The following SAMD9 variants were observed in gnomAD, a reference collection of about 807,000 sequenced individuals.
SAMD9 encodes sterile alpha motif domain containing 9, also known as sterile alpha motif domain-containing protein 9.
Under a neutral mutation model 1.5 loss-of-function variants are expected in SAMD9, and 3 were observed. The observed-to-expected ratio is 2.05, with a 90% CI of 0.93 to 5.29. SAMD9 has a LOEUF of 5.29. Ranked by LOEUF, SAMD9 falls within the 30% of genes most tolerant of loss-of-function variation. The pLI is 0.02. For synonymous variants in SAMD9, 635 were observed against 631.9 expected (o/e 1.00, Z -0.07); for missense variants, 1,597 against 1,820.8 (o/e 0.88, Z 2.24).
chr7:93,108,514 C>T (rs911482096), intron 2 of SAMD9, among the ~76,000 whole-genome samples: 3 of 152,230 alleles, frequency 2.0e-5, no homozygotes, highest in East Asian at 1.9e-4. Context: ...TCGCATCCCA[C>T]AGGAAGCTCA....
In SAMD9 at chr7:93,101,173, C is replaced by A; in HGVS notation, c.*155G>T. The A allele has an allele frequency of 1.4e-6, 1 of 694,824 alleles. No individual in the cohort carries two copies. 43.0% of individuals were successfully genotyped at this position (694,824 alleles called of 1,614,324 possible). A position where few individuals can be genotyped will look rare whatever the true frequency, so the allele number is the denominator to read the frequency against. The stretch of plus-strand genomic sequence containing the variant: ...TTTTCACTATTGTCTTTGTAGAACT[C>A]ATAACATGTTTAAGAGGAAATTAAA... On this transcript the variant is annotated 3_prime_UTR_variant, in exon 3 of 3. Coordinates refer to ENST00000379958, the MANE Select transcript of SAMD9 (RefSeq NM_017654.4).
chr7:93,111,362 C>A (rs1204928626), intron 2 of SAMD9, among the ~76,000 whole-genome samples: 4 of 152,180 alleles, frequency 2.6e-5, no homozygotes, highest in African/African-American at 4.8e-5. Flanking sequence ...CAGGAAAGAT[C>A]TAAAATTGAC....
chr7:93,113,242 G>A (rs568346945), intron 2 of SAMD9, among the ~76,000 whole-genome samples: 5 of 152,294 alleles, frequency 3.3e-5, no homozygotes, highest in East Asian at 3.9e-4. Flanking sequence ...GGGAAAACTG[G>A]CTAGCCATAT....
rs1179186128 is a variant in SAMD9, at chr7:93,103,415, C to A, written c.2683G>T (p.Glu895Ter). 1.9e-6 allele frequency: 3 copies of A among 1,613,210 alleles called. No individual in the cohort carries two copies. The highest frequency in any genetic ancestry group is 2.5e-6 in the Non-Finnish European group (3 of 1,179,440). ...FMIMKTNFNK[E>*]YIENVVRNIL... ...TTCCGGACCACATTTTCTATGTATT[C>A]TTTATTAAAATTGGTTTTCATGATC... Residue 895 changes from glutamate (E) to a stop codon, truncating the protein, a stop_gained, in exon 3 of 3, where the codon GAA becomes TAA. Transcript: ENST00000379958. LOFTEE classifies it low-confidence loss of function (END_TRUNC).
rs767702290 is a variant in SAMD9 at position 93,105,551 on chromosome 7, G to C, written c.547C>G (p.Pro183Ala). ...YRYKLDFSLQPETGPGNLIDP... is the reference protein window; with the variant it reads ...YRYKLDFSLQAETGPGNLIDP... Reference sequence around the variant, plus strand: ...ATGAGATTGCCTGGTCCTGTTTCAGGCTGTAGACTAAAATCCAACTTGTAA... The same window carrying C: ...ATGAGATTGCCTGGTCCTGTTTCAGCCTGTAGACTAAAATCCAACTTGTAA... Residue 183 changes from proline (P) to alanine (A), a missense_variant, in exon 3 of 3, where the codon CCT (proline) becomes GCT (alanine). By Grantham distance (27) the Pro-to-Ala change is conservative. Coordinates refer to ENST00000379958, the MANE Select transcript of SAMD9 (RefSeq NM_017654.4). 9 of 1,613,952 alleles carry C rather than the reference G, an allele frequency of 5.6e-6. No homozygotes were observed. The highest frequency in any genetic ancestry group is 6.8e-6 in the Non-Finnish European group (8 of 1,180,002).
Position 93,102,266 on chromosome 7 carries a change from G to T in SAMD9, c.3832C>A (p.Leu1278Ile). The change falls in exon 3 of 3, where the codon CTA becomes ATA. Residue 1278 changes from leucine (L) to isoleucine (I), a missense_variant. Leu to Ile is a conservative substitution (Grantham distance 5). Coordinates refer to ENST00000379958, the MANE Select transcript of SAMD9 (RefSeq NM_017654.4). ...FDFFDEYFVL[L>I]KPRNNIKQNE... ...TGCTTAATATTGTTCCTGGGTTTTA[G>T]CAGGACAAAGTATTCATCAAAAAAA... is the stretch of plus-strand genomic sequence containing the variant. The T allele has an allele frequency of 6.2e-7, 1 of 1,613,098 alleles. No homozygotes were observed. The highest frequency in any genetic ancestry group is 8.5e-7 in the Non-Finnish European group (1 of 1,179,314).
intron 2 of SAMD9, among the ~76,000 whole-genome samples, chr7:93,112,520 C>G (rs1431777516): frequency 6.6e-6 from 1 of 152,190 alleles, no homozygotes; most frequent in Non-Finnish European, 1.5e-5. Context: ...CAAATTGTCC[C>G]TGTTTGCAGA....
rs892967522 is a variant in SAMD9, at chr7:93,101,021, C to A, written c.*307G>T. On this transcript the variant is annotated 3_prime_UTR_variant, in exon 3 of 3. Transcript: ENST00000379958. ...TCCATGCCTGGTAAGTAGTGGGGTT[C>A]TGTGTAGCCAGCTTATTACACTAAC... The A allele has an allele frequency of 8.0e-6, 3 of 375,200 alleles. No homozygotes were observed. The highest frequency in any genetic ancestry group is 5.8e-5 in the South Asian group (2 of 34,556). The allele number at this position is 375,200 out of a possible 1,614,324, so 23.2% of individuals were successfully genotyped here. A position where few individuals can be genotyped will look rare whatever the true frequency, so the allele number is the denominator to read the frequency against.
At chr7:93,109,244 T>A (rs535095747) in intron 2 of SAMD9, among the ~76,000 whole-genome samples, 1 of 152,290 alleles carries the variant, frequency 6.6e-6, no homozygotes, top group East Asian at 1.9e-4. Context: ...GGGTCCTGAC[T>A]GTTAGAAGGA....
At position 93,102,209 on chromosome 7, in the gene SAMD9, C is replaced by G. The variant is rs1243383645; in HGVS notation, c.3889G>C (p.Ala1297Pro). ...NEEAKTRRKV[A>P]GYFKKYVDIF... ...TCTACATATTTCTTAAAATATCCAGCCACCTTTCTCCGAGTTTTGGCCTCT... is the reference window on the plus strand; with the variant it reads ...TCTACATATTTCTTAAAATATCCAGGCACCTTTCTCCGAGTTTTGGCCTCT... The change falls in exon 3 of 3, where the codon GCT becomes CCT. Residue 1297 changes from alanine to proline, a missense_variant. Physicochemically the swap from Ala to Pro is conservative, Grantham distance 27 (BLOSUM62 -1). Around this residue, in one of 6 missense-constraint regions of SAMD9, gnomAD observed 682 missense variants for 810.0 expected, o/e 0.84. Coordinates refer to ENST00000379958, the MANE Select transcript of SAMD9 (RefSeq NM_017654.4). The G allele has an allele frequency of 6.2e-7, 1 of 1,613,534 alleles. No individual in the cohort carries two copies. Among genetic ancestry groups the G allele is most frequent in the African/African-American group, 1.3e-5 (1 of 74,864 alleles).
intron 2 of SAMD9, among the ~76,000 whole-genome samples, chr7:93,112,611 G>C (rs1562779003): frequency 1.3e-5 from 2 of 152,140 alleles, no homozygotes; most frequent in African/African-American, 2.4e-5. Flanking sequence ...AAAGTCTCAG[G>C]ATTCAAAATC....
At position 93,104,421 on chromosome 7, in the gene SAMD9, A is replaced by G. The variant is rs1791593811; in HGVS notation, c.1677T>C (p.Thr559=). Residue 559 remains threonine, a synonymous_variant, in exon 3 of 3, where the codon ACT becomes ACC. Coordinates refer to ENST00000379958, the MANE Select transcript of SAMD9 (RefSeq NM_017654.4). The stretch of plus-strand genomic sequence containing the variant: ...TGAGATCCTGGTAGAAAGCACAGAA[A>G]GTCTCAATGAGGGGATCTCTTGGGT... ...VDDPRDPLIE[T]FCAFYQDLKG... is the part of the protein sequence containing the mutation. 6.2e-7 allele frequency: 1 copy of G among 1,613,872 alleles called. No homozygotes were observed. The highest frequency in any genetic ancestry group is 1.1e-5 in the South Asian group (1 of 91,084).
At chr7:93,114,139 G>C (rs1020555423) in intron 2 of SAMD9, among the ~76,000 whole-genome samples, 1 of 152,138 alleles carries the variant, frequency 6.6e-6, no homozygotes, top group African/African-American at 2.4e-5. Flanking sequence ...ATGAGTTCAT[G>C]TCCTTTGTAG....
Position 93,104,428 on chromosome 7 carries a change from A to G in SAMD9, c.1670T>C (p.Ile557Thr), listed in dbSNP as rs6960328. The G allele has an allele frequency of 4.3e-6, 7 of 1,613,974 alleles. No individual in the cohort carries two copies. The South Asian group carries it at 7.7e-5, about 18-fold the overall frequency. ...SSVDDPRDPL[I>T]ETFCAFYQDL... is the part of the protein sequence containing the mutation. Reference sequence around the variant, plus strand: ...CTGGTAGAAAGCACAGAAAGTCTCAATGAGGGGATCTCTTGGGTCATCCAC... The same window carrying G: ...CTGGTAGAAAGCACAGAAAGTCTCAGTGAGGGGATCTCTTGGGTCATCCAC... The change falls in exon 3 of 3, where the codon ATT becomes ACT. Residue 557 changes from isoleucine (I) to threonine (T), a missense_variant. Transcript: ENST00000379958.
intron 2 of SAMD9, among the ~76,000 whole-genome samples, chr7:93,107,966 T>A (rs1415284616): frequency 5.9e-5 from 9 of 152,238 alleles, no homozygotes; most frequent in Non-Finnish European, 1.3e-4. Context: ...ACAATAATCT[T>A]AAATAAAATT....
rs1301948946 is a variant in SAMD9 at position 93,103,883 on chromosome 7, G to A, written c.2215C>T (p.Pro739Ser). 1 of 1,613,964 alleles carries A rather than the reference G, an allele frequency of 6.2e-7. No homozygotes were observed. The highest frequency in any genetic ancestry group is 1.1e-5 in the South Asian group (1 of 91,086). The change falls in exon 3 of 3, where the codon CCA becomes TCA. Residue 739 changes from proline (P) to serine (S), a missense_variant. Pro to Ser is a moderately conservative substitution (Grantham distance 74, BLOSUM62 -1). Around this residue, in one of 6 missense-constraint regions of SAMD9, gnomAD observed 358 missense variants for 460.4 expected, o/e 0.78. Transcript: ENST00000379958. ...STKIIHLYHHPGCGGTTLAMH... is the reference protein window; with the variant it reads ...STKIIHLYHHSGCGGTTLAMH... ...GCCAAGGTAGTTCCCCCACAGCCTG[G>A]ATGATGATACAGATGAATAATTTTG...
At position 93,100,985 on chromosome 7, in the gene SAMD9, A is replaced by G. The variant is rs113984732; in HGVS notation, c.*343T>C. 973 of 295,076 alleles carry G rather than the reference A, an allele frequency of 3.3e-3. 10 individuals are homozygous for G. Among genetic ancestry groups the G allele is most frequent in the African/African-American group, 0.02 (891 of 45,444 alleles). The allele number at this position is 295,076 out of a possible 1,614,324, so 18.3% of individuals were successfully genotyped here. Reference sequence around the variant, plus strand: ...TGTCTAAATGCCATTTGAGTAGACAATCTTCTTCAATCCATGCCTGGTAAG... The same window carrying G: ...TGTCTAAATGCCATTTGAGTAGACAGTCTTCTTCAATCCATGCCTGGTAAG... On this transcript the variant is annotated 3_prime_UTR_variant, in exon 3 of 3. Coordinates refer to ENST00000379958, the MANE Select transcript of SAMD9 (RefSeq NM_017654.4).
intron 2 of SAMD9, among the ~76,000 whole-genome samples, chr7:93,109,486 C>T (rs527271233): frequency 5.9e-5 from 9 of 152,156 alleles, no homozygotes; most frequent in Middle Eastern, 3.4e-3. Context: ...AGTCTTCAAA[C>T]GACTGGTAAT....
rs1325506081 is a variant in SAMD9, at chr7:93,103,956, A to G, written c.2142T>C (p.Leu714=). 1.2e-6 allele frequency: 2 copies of G among 1,613,180 alleles called. No individual in the cohort carries two copies. The highest frequency in any genetic ancestry group is 1.7e-6 in the Non-Finnish European group (2 of 1,179,466). Residue 714 remains leucine, a synonymous_variant, in exon 3 of 3, where the codon CTT becomes CTC. Transcript: ENST00000379958. ...PFVKRDKYER[L]EAMIQNCADS... is the part of the protein sequence containing the mutation. ...CTGCACAGTTTTGAATCATTGCTTC[A>G]AGTCTTTCATATTTATCCCTTTTGA...
Sources: allele counts gnomAD v4.1 joint callset (sites outside exome capture counted in the v4.1 genomes callset), GRCh38; gene constraint gnomAD v4.1.1; regional missense constraint gnomAD v4.1.1; transcripts MANE v1.5; gene names NCBI Gene and HGNC (gene_info 2026-07-23, HGNC 2026-07-21).